BMS1: variants seen among roughly 807,000 people sequenced by gnomAD.
The protein encoded by BMS1 is ribosome biogenesis protein BMS1 homolog.
BMS1 carries 53 observed loss-of-function variants against 138.7 expected under a neutral mutation model. The observed-to-expected ratio is 0.38, with a 90% confidence interval of 0.31 to 0.48. The LOEUF is 0.48. BMS1 is among the 20% of genes least tolerant of loss of function. BMS1 has a pLI of 0.97. For missense variants in BMS1, 1,360 were observed against 1,565.5 expected, an observed-to-expected ratio of 0.87 and a Z score of 2.22; for synonymous variants, 504 against 539.9, an observed-to-expected ratio of 0.93 and a Z score of 0.92.
In BMS1 at chr10:42,790,183, T is replaced by C. The variant is rs964706748; in HGVS notation, c.448-140T>C. 7.9e-6 allele frequency: 6 copies of C among 760,984 alleles called. No individual in the cohort carries two copies. The African/African-American group carries it at 1.1e-4, about 13-fold the overall frequency. The allele number at this position is 760,984 out of a possible 1,614,324, so 47.1% of individuals were successfully genotyped here. A position where few individuals can be genotyped will look rare whatever the true frequency, so the allele number is the denominator to read the frequency against. The stretch of plus-strand genomic sequence containing the variant: ...CAGCCATAGACAATATGTAAATGAA[T>C]TAATGTGGCTATGTTCCAATAAAAC... On this transcript the variant is annotated intron_variant, in intron 4 of 22. Coordinates refer to ENST00000374518, the MANE Select transcript of BMS1 (RefSeq NM_014753.4).
intron 13 of BMS1, among the ~76,000 whole-genome samples, chr10:42,806,262 AC>A (rs1842008261): frequency 6.6e-6 from 1 of 152,150 alleles, no homozygotes; most frequent in African/African-American, 2.4e-5. Context: ...CAAGCAGGAA[AC>A]TATCTACAGA....
In BMS1 at chr10:42,793,006, C is replaced by T. The variant is rs137996139; in HGVS notation, c.951C>T (p.Cys317=). The T allele has an allele frequency of 4.0e-5, 65 of 1,613,608 alleles. 1 individual carries two copies. Among genetic ancestry groups the T allele is most frequent in the African/African-American group, 3.6e-4 (27 of 74,858 alleles). The part of the protein sequence containing the change: ...VSDISFLPDP[C]ALPEQQKKRC... ...ACATCAGTTTCCTCCCAGACCCTTG[C>T]GCTCTTCCTGAACAACAAAAGAAGC... Residue 317 remains cysteine, a synonymous_variant, in exon 8 of 23, where the codon TGC becomes TGT. Coordinates refer to ENST00000374518, the MANE Select transcript of BMS1 (RefSeq NM_014753.4).
chr10:42,784,730 A>G (rs1054037164), intron 2 of BMS1, among the ~76,000 whole-genome samples, 160 bp downstream of exon 2: 3 of 152,246 alleles, frequency 2.0e-5, no homozygotes, highest in African/African-American at 7.2e-5. Context: ...AGCTTTTCCC[A>G]TAGAAGCTGC....
At chr10:42,806,880 A>G in intron 13 of BMS1, among the ~76,000 whole-genome samples, 1 of 151,688 alleles carries the variant, frequency 6.6e-6, no homozygotes, top group Non-Finnish European at 1.5e-5. Flanking sequence ...AAAAAAAAAG[A>G]ACGAATACAG....
At chr10:42,826,318 G>A in intron 21 of BMS1, among the ~76,000 whole-genome samples, 1 of 150,898 alleles carries the variant, frequency 6.6e-6, no homozygotes, top group Admixed American at 6.6e-5. Context: ...TACTGGCCTG[G>A]TAAAATGTGT....
At chr10:42,799,087 C>G (rs1841791227) in intron 12 of BMS1, among the ~76,000 whole-genome samples, 1 of 152,154 alleles carries the variant, frequency 6.6e-6, no homozygotes, top group Non-Finnish European at 1.5e-5. Flanking sequence ...ACAGCTTACC[C>G]TCCTCTTAGA....
rs1262793707 is a variant in BMS1, at chr10:42,791,627, G to C, written c.637G>C (p.Gly213Arg). The change falls in exon 6 of 23, where the codon GGT becomes CGT. Residue 213 changes from glycine to arginine, a missense_variant and splice_region_variant. Transcript: ENST00000374518. The stretch of plus-strand genomic sequence containing the variant: ...TTTTTAATTTTCCTCTAATGTTTAG[G>C]GTGCCAAGCTGTTCTACCTTTCTGG... Reference protein sequence around the residue: ...KHRFWTEVYPGAKLFYLSGMV... With the variant: ...KHRFWTEVYPRAKLFYLSGMV... The C allele has an allele frequency of 1.9e-6, 3 of 1,593,762 alleles. No homozygotes were observed. The East Asian group carries it at 6.7e-5, about 36-fold the overall frequency.
At position 42,830,298 on chromosome 10, in the gene BMS1, A is replaced by G. The variant is rs756113285; in HGVS notation, c.3494A>G (p.His1165Arg). The change falls in exon 22 of 23, where the codon CAC (histidine) becomes CGC (arginine). Residue 1165 changes from histidine (H) to arginine (R), a missense_variant. Coordinates refer to ENST00000374518, the MANE Select transcript of BMS1 (RefSeq NM_014753.4). Reference protein sequence around the residue: ...LRQKKHFNSLHIPKALQKALP... With the variant: ...LRQKKHFNSLRIPKALQKALP... ...CAAAAGAAACATTTTAATTCACTGC[A>G]CATTCCAAAAGCCTTGCAGAAGGCC... 12 of 1,613,608 alleles carry G rather than the reference A, an allele frequency of 7.4e-6. No homozygotes were observed. The highest frequency in any genetic ancestry group is 6.7e-5 in the African/African-American group (5 of 74,870).
At chr10:42,828,613 G>GT (rs201097662) in intron 21 of BMS1, among the ~76,000 whole-genome samples, 645 of 145,442 alleles carry the variant, frequency 4.4e-3, no homozygotes, top group Middle Eastern at 7.2e-3. Context: ...GGCCTCTTCA[G>GT]TTTTTTTTTT....
chr10:42,786,652 C>G (rs1841339581), intron 3 of BMS1, among the ~76,000 whole-genome samples: 1 of 151,692 alleles, frequency 6.6e-6, no homozygotes, highest in African/African-American at 2.4e-5. Context: ...CTCAAAACTC[C>G]TGGGCTCAAG....
At chr10:42,804,404 A>G (rs1841956364) in intron 13 of BMS1, among the ~76,000 whole-genome samples, 1 of 152,156 alleles carries the variant, frequency 6.6e-6, no homozygotes, top group African/African-American at 2.4e-5. Context: ...CCAGTACCTG[A>G]TAGTATCAGT....
chr10:42,821,542 C>CTTTTTTTTT lies in BMS1; in HGVS notation c.3010-500_3010-492dup, dbSNP rs34272995. ...ACTCTCAGGAAAGTACTCAAGGCGC[C>CTTTTTTTTT]TTTTTTTTTTTTTTTTTTTTTTTTT... On this transcript the variant is annotated intron_variant, in intron 18 of 22. Coordinates refer to ENST00000374518, the MANE Select transcript of BMS1 (RefSeq NM_014753.4). Among the ~76,000 whole-genome samples, 6 of 68,594 alleles carry CTTTTTTTTT rather than the reference C, an allele frequency of 8.7e-5. 1 individual carries two copies. Among genetic ancestry groups the CTTTTTTTTT allele is most frequent in the Admixed American group, 2.2e-4 (1 of 4,470 alleles). The allele number at this position is 68,594 out of a possible 152,430, so 45.0% of individuals were successfully genotyped here.
chr10:42,796,771 G>A lies in BMS1; in HGVS notation c.1527G>A (p.Glu509=). The change falls in exon 10 of 23, where the codon GAG becomes GAA. Residue 509 remains glutamate, a synonymous_variant. Coordinates refer to ENST00000374518, the MANE Select transcript of BMS1 (RefSeq NM_014753.4). ...TTGCTGACAGTGACGATGACCTTGAGAGGAGCTCAGCGGAAGAAGGGGAAG... is the reference window on the plus strand; with the variant it reads ...TTGCTGACAGTGACGATGACCTTGAAAGGAGCTCAGCGGAAGAAGGGGAAG... The part of the protein sequence containing the change: ...PAFADSDDDL[E]RSSAEEGEAE... 1 of 1,614,194 alleles carries A rather than the reference G, an allele frequency of 6.2e-7. No homozygotes were observed. The highest frequency in any genetic ancestry group is 8.5e-7 in the Non-Finnish European group (1 of 1,180,022).
At chr10:42,803,635 T>C (rs115801138) in intron 13 of BMS1, among the ~76,000 whole-genome samples, 1,905 of 152,260 alleles carry the variant, frequency 0.013, 39 homozygotes, top group African/African-American at 0.043. Context: ...GGGGCTTCTT[T>C]TAGGATTCTC....
chr10:42,807,819 C>G (rs1842055905), intron 13 of BMS1, among the ~76,000 whole-genome samples: 1 of 151,728 alleles, frequency 6.6e-6, no homozygotes. Context: ...AAATAAATGC[C>G]CAATAATGCA....
In BMS1 at chr10:42,794,078, G is replaced by A. The variant is rs367590522; in HGVS notation, c.1229+87G>A. On this transcript the variant is annotated intron_variant, in intron 9 of 22. Coordinates refer to ENST00000374518, the MANE Select transcript of BMS1 (RefSeq NM_014753.4). ...TAATTCAGCCATCATAACACATTTC[G>A]GTGGGATTCATTCTATGTTGTTTTG... The A allele has an allele frequency of 7.0e-5, 102 of 1,448,932 alleles. No individual in the cohort carries two copies. In the African/African-American group the frequency reaches 1.4e-3, roughly 19 times the overall value. 89.8% of individuals were successfully genotyped at this position (1,448,932 alleles called of 1,614,324 possible).
chr10:42,794,477 A>T (rs1309061511), intron 9 of BMS1, among the ~76,000 whole-genome samples: 2 of 151,404 alleles, frequency 1.3e-5, no homozygotes, highest in East Asian at 3.9e-4. Flanking sequence ...TATGCAGTGG[A>T]TGTTTGCAAA....
At chr10:42,814,586 T>C (rs530994525) in intron 13 of BMS1, among the ~76,000 whole-genome samples, 3 of 152,368 alleles carry the variant, frequency 2.0e-5, no homozygotes, top group Admixed American at 6.5e-5. Flanking sequence ...TATGTAATTT[T>C]TTTATTTTTG....
At chr10:42,823,907 TTTGA>T in intron 21 of BMS1, 123 bp downstream of exon 21, 2 of 867,082 alleles carry the variant, frequency 2.3e-6, no homozygotes, top group Non-Finnish European at 3.1e-6. Flanking sequence ...TAACGTTAAA[TTTGA>T]TTGAACAGTT....
Sources: allele counts gnomAD v4.1 joint callset (sites outside exome capture counted in the v4.1 genomes callset), GRCh38; gene constraint gnomAD v4.1.1; transcripts MANE v1.5; gene names NCBI Gene and HGNC (gene_info 2026-07-23, HGNC 2026-07-21).